Variants in PDGFA observed in about 807,000 individuals in gnomAD.
The protein encoded by PDGFA is platelet-derived growth factor subunit A.
Under a neutral mutation model 25.6 loss-of-function variants are expected in PDGFA, and 9 were observed. The ratio of observed to expected loss-of-function variants is 0.35; its 90% CI spans 0.21 to 0.61. PDGFA has a LOEUF of 0.61. Among genes scored for constraint, PDGFA ranks in the 20% least tolerant of loss-of-function variants. PDGFA has a pLI of 0.75. For synonymous variants in PDGFA, 133 were observed against 111.8 expected (o/e 1.19, Z -1.20); for missense variants, 242 against 272.8 (o/e 0.89, Z 0.79).
intron 4 of PDGFA, among the ~76,000 whole-genome samples, chr7:508,559 CAAAAAAAAAAAAAAA>C (rs766165770): frequency 6.7e-4 from 24 of 35,664 alleles, no homozygotes; most frequent in African/African-American, 2.1e-3. Flanking sequence ...GAAGCTGTCC[CAAAAAAAAAAAAAAA>C]AAAAAAAAAA....
Position 517,352 on chromosome 7 carries a change from C to A in PDGFA, c.160+42G>T. ...CAGCTCGGGGCGCACAGGCCGCCCG[C>A]CCGCGCCCTCCCCGCGCGCGGAGGG... On this transcript the variant is annotated intron_variant, in intron 2 of 5. Coordinates refer to ENST00000402802, the Ensembl canonical transcript of PDGFA. The surrounding 1 kb of genome is among the most constrained non-coding windows in gnomAD (Gnocchi z 7.4). The A allele has an allele frequency of 9.5e-7, 1 of 1,050,244 alleles. No individual in the cohort carries two copies. The highest frequency in any genetic ancestry group is 1.3e-6 in the Non-Finnish European group (1 of 783,760). The allele number at this position is 1,050,244 out of a possible 1,614,324, so 65.1% of individuals were successfully genotyped here. A position where few individuals can be genotyped will look rare whatever the true frequency, so the allele number is the denominator to read the frequency against.
At chr7:507,877 C>T (rs776380793) in intron 4 of PDGFA, among the ~76,000 whole-genome samples, 3 of 152,178 alleles carry the variant, frequency 2.0e-5, no homozygotes, top group Non-Finnish European at 2.9e-5. Flanking sequence ...CCTCCCCTCC[C>T]CTCCTTCCCT....
chr7:512,653 G>A (rs1405774508), intron 2 of PDGFA, 198 bp from the exon 3 acceptor site: 4 of 1,514,060 alleles, frequency 2.6e-6, no homozygotes, highest in Non-Finnish European at 3.5e-6. Flanking sequence ...AGAGATGCAG[G>A]GCATGAAACA....
chr7:514,340 G>A (rs1172221764), intron 2 of PDGFA, among the ~76,000 whole-genome samples: 3 of 152,136 alleles, frequency 2.0e-5, no homozygotes, highest in Non-Finnish European at 2.9e-5. Context: ...GACGGCAGCC[G>A]TGCTAGCTCA....
chr7:502,431 C>T (rs999472042), intron 4 of PDGFA, among the ~76,000 whole-genome samples: 8 of 152,120 alleles, frequency 5.3e-5, no homozygotes, highest in African/African-American at 1.9e-4. Context: ...GTCCGAGGCT[C>T]TCCTTGGGCT....
exon 6 of PDGFA, chr7:497,939 TAAAAAAAAAA>T (rs35400797): frequency 5.0e-5 from 1 of 20,138 alleles, no homozygotes; most frequent in African/African-American, 1.9e-4. Flanking sequence ...CTTTATGGTG[TAAAAAAAAAA>T]AAAAAAAAAC....
chr7:509,489 C>A (rs895820597), intron 4 of PDGFA, among the ~76,000 whole-genome samples: 41 of 152,182 alleles, frequency 2.7e-4, no homozygotes, highest in Admixed American at 2.3e-3. Context: ...TGGGGTCCTG[C>A]CATGTTACCC....
At chr7:501,809 C>A (rs1014287757) in intron 4 of PDGFA, among the ~76,000 whole-genome samples, 1 of 152,168 alleles carries the variant, frequency 6.6e-6, no homozygotes, top group Non-Finnish European at 1.5e-5. Flanking sequence ...CTGAAGGATG[C>A]ACACTGCTAA....
At chr7:512,484 G>A in intron 2 of PDGFA, 29 bp from the exon 3 acceptor site, 1 of 1,613,122 alleles carries the variant, frequency 6.2e-7, no homozygotes, top group Non-Finnish European at 8.5e-7. Flanking sequence ...CACCGTGAAT[G>A]CCCCAGGCCC....
At chr7:508,660 C>A (rs1782674498) in intron 4 of PDGFA, among the ~76,000 whole-genome samples, 1 of 151,776 alleles carries the variant, frequency 6.6e-6, no homozygotes, top group Admixed American at 6.6e-5. Flanking sequence ...CCGCACCCGC[C>A]TGTGCCCACT....
Position 519,057 on chromosome 7 carries a change from C to G in PDGFA, c.-56G>C, listed in dbSNP as rs1050249871. The stretch of plus-strand genomic sequence containing the variant: ...GAGGCGAGGCCGCGGGGCGGGCGCT[C>G]CAGCCGGTCTCCTGTGGCGGCGAAA... On this transcript the variant is annotated 5_prime_UTR_variant, in exon 1 of 6. Transcript: ENST00000402802. 143 of 1,387,294 alleles carry G rather than the reference C, an allele frequency of 1.0e-4. 2 individuals carry two copies. The South Asian group carries it at 1.8e-3, about 18-fold the overall frequency. 85.9% of individuals were successfully genotyped at this position (1,387,294 alleles called of 1,614,324 possible).
chr7:510,072 C>A (rs1301904499), intron 4 of PDGFA, among the ~76,000 whole-genome samples: 2 of 152,170 alleles, frequency 1.3e-5, no homozygotes, highest in Non-Finnish European at 2.9e-5. Flanking sequence ...ACCTCGGCCC[C>A]CACTGAAGAG....
chr7:511,317 TGGG>T (rs1461339748), intron 3 of PDGFA, among the ~76,000 whole-genome samples: 10 of 77,934 alleles, frequency 1.3e-4, no homozygotes, highest in South Asian at 9.7e-4. Flanking sequence ...TTAGTCCAGG[TGGG>T]GCCAGAGACT....
Position 506,175 on chromosome 7 carries a change from C to CAAAAAAAA in PDGFA, c.453+4626_453+4633dup, listed in dbSNP as rs34159199. 9.3e-4 allele frequency among the ~76,000 whole-genome samples: 100 copies of CAAAAAAAA among 107,344 alleles called. 5 individuals carry two copies. The highest frequency in any genetic ancestry group is 5.0e-3 in the Middle Eastern group (1 of 200). 70.4% of individuals were successfully genotyped at this position (107,344 alleles called of 152,430 possible). A position where few individuals can be genotyped will look rare whatever the true frequency, so the allele number is the denominator to read the frequency against. On this transcript the variant is annotated intron_variant, in intron 4 of 5. Coordinates refer to ENST00000402802, the Ensembl canonical transcript of PDGFA. ...TGGGCAACAGAGTGAGACTCTGTCT[C>CAAAAAAAA]AAAAAAAAAAAAAAAATCCCTCAAG...
chr7:517,799 A>C lies in PDGFA; in HGVS notation c.64-309T>G, dbSNP rs920035891. Among the ~76,000 whole-genome samples the C allele has an allele frequency of 2.0e-5, 3 of 150,102 alleles. No individual in the cohort carries two copies. The highest frequency in any genetic ancestry group is 4.4e-5 in the Non-Finnish European group (3 of 67,702). ...CCCCTCCACCCGGGGTGTCAGTTACAGAAGGTCTAGGGGGCAGCGAGGGGG... is the reference window on the plus strand; with the variant it reads ...CCCCTCCACCCGGGGTGTCAGTTACCGAAGGTCTAGGGGGCAGCGAGGGGG... On this transcript the variant is annotated intron_variant, in intron 1 of 5. Transcript: ENST00000402802. The surrounding 1 kb of genome is among the most constrained non-coding windows in gnomAD (Gnocchi z 7.4).
rs112129303 is a variant in PDGFA at position 505,137 on chromosome 7, A to G, written c.454-3895T>C. On this transcript the variant is annotated intron_variant, in intron 4 of 5. Coordinates refer to ENST00000402802, the Ensembl canonical transcript of PDGFA. ...CCCAAGAACACAAAATGAATATTGG[A>G]TTCTCACAAAAACCTCCTCCATAAA... Among the ~76,000 whole-genome samples the G allele has an allele frequency of 6.1e-3, 924 of 152,334 alleles. 5 individuals carry two copies. Among genetic ancestry groups the G allele is most frequent in the Middle Eastern group, 0.01 (3 of 294 alleles).
upstream of PDGFA, chr7:520,439 G>A (rs904915263): frequency 3.2e-5 from 5 of 157,402 alleles, no homozygotes; most frequent in Admixed American, 1.3e-4. Context: ...CGAGGCCTGG[G>A]GCATCTGAAT....
intron 2 of PDGFA, chr7:512,775 C>A (rs565678953): frequency 1.2e-6 from 1 of 815,038 alleles, no homozygotes; most frequent in South Asian, 1.8e-5. Context: ...CCCTACGGTG[C>A]CTCCTCCAAG....
At chr7:512,145 G>T (rs552241273) in intron 3 of PDGFA, among the ~76,000 whole-genome samples, 5 of 152,306 alleles carry the variant, frequency 3.3e-5, no homozygotes, top group Non-Finnish European at 7.4e-5. Context: ...AGACACCCTC[G>T]AAGGAGGGAG....
Sources: allele counts gnomAD v4.1 joint callset (sites outside exome capture counted in the v4.1 genomes callset), GRCh38; gene constraint gnomAD v4.1.1; non-coding constraint Gnocchi (gnomAD v3.1); transcripts MANE v1.5; gene names NCBI Gene and HGNC (gene_info 2026-07-23, HGNC 2026-07-21).